TTYH1: variants seen among roughly 807,000 people sequenced by gnomAD.
TTYH1 encodes the protein tweety family member 1.
TTYH1 carries 33 observed loss-of-function variants against 61.2 expected under a neutral mutation model. The ratio of observed to expected loss-of-function variants is 0.54; its 90% confidence interval spans 0.41 to 0.72. The LOEUF is 0.72. Ranked by LOEUF, TTYH1 falls within the 30% of genes least tolerant of loss-of-function variation. The pLI, the probability that TTYH1 is intolerant of heterozygous loss-of-function variation, is 0.00. For synonymous variants in TTYH1, 308 were observed against 266.4 expected, an observed-to-expected ratio of 1.16 and a Z score of -1.52; for missense variants, 538 against 575.8, an observed-to-expected ratio of 0.93 and a Z score of 0.67.
chr19:54,423,082 C>T (rs1599893899), intron 4 of TTYH1, among the ~76,000 whole-genome samples: 1 of 152,186 alleles, frequency 6.6e-6, no homozygotes, highest in Admixed American at 6.6e-5. Context: ...CACATGCGTT[C>T]ATTCCTTGAC....
At chr19:54,428,783 G>C (rs779510232) in intron 5 of TTYH1, among the ~76,000 whole-genome samples, 2 of 152,180 alleles carry the variant, frequency 1.3e-5, no homozygotes, top group Non-Finnish European at 2.9e-5. Flanking sequence ...GCAGGTCTGG[G>C]ACTGGAAGCC....
rs2083190017 is a variant in TTYH1 at position 54,420,530 on chromosome 19, C to G, written c.306-747C>G. On this transcript the variant is annotated intron_variant, in intron 2 of 13. Coordinates refer to ENST00000376530, the MANE Select transcript of TTYH1 (RefSeq NM_020659.4). This position sits in a 1 kb window ranked among gnomAD's most constrained non-coding sequence, Gnocchi z 4.8. The stretch of plus-strand genomic sequence containing the variant: ...CGGGAGGGTGTCAGGCTCCCGCCCC[C>G]TCCACTGCGGGACACCGGCCGGGGG... 1 of 152,088 alleles carries G rather than the reference C, an allele frequency of 6.6e-6. No homozygotes were observed. Among genetic ancestry groups the G allele is most frequent in the South Asian group, 2.1e-4 (1 of 4,820 alleles). 9.4% of individuals were successfully genotyped at this position (152,088 alleles called of 1,614,324 possible).
intron 4 of TTYH1, among the ~76,000 whole-genome samples, chr19:54,423,687 A>G (rs1423416421): frequency 6.6e-6 from 1 of 152,176 alleles, no homozygotes; most frequent in Non-Finnish European, 1.5e-5. Flanking sequence ...AGTGCTGAGA[A>G]GGACGATTAG....
rs2083505660 is a variant in TTYH1 at position 54,434,750 on chromosome 19, G to A, written c.1126-792G>A. On this transcript the variant is annotated intron_variant, in intron 10 of 13. Coordinates refer to ENST00000376530, the MANE Select transcript of TTYH1 (RefSeq NM_020659.4). This position sits in a 1 kb window ranked among gnomAD's most constrained non-coding sequence, Gnocchi z 4.3. ...ATGTTGAGTGTGTATTGTGTGCGCG[G>A]TGTCATCTTGAGCCACTGGTTGGTT... 2.0e-5 allele frequency: 3 copies of A among 152,300 alleles called. No homozygotes were observed. Among genetic ancestry groups the A allele is most frequent in the Admixed American group, 2.0e-4 (3 of 15,288 alleles). 9.4% of individuals were successfully genotyped at this position (152,300 alleles called of 1,614,324 possible). A position where few individuals can be genotyped will look rare whatever the true frequency, so the allele number is the denominator to read the frequency against.
At position 54,422,176 on chromosome 19, in the gene TTYH1, T is replaced by C. The variant is rs1349721450; in HGVS notation, c.418-14T>C. The C allele has an allele frequency of 6.5e-7, 1 of 1,546,302 alleles. No individual in the cohort carries two copies. Among genetic ancestry groups the C allele is most frequent in the East Asian group, 2.4e-5 (1 of 41,944 alleles). Reference sequence around the variant, plus strand: ...GGATGTCCTTCCAGACCTCAGCCCCTGTCCTATCCCCAGGTGTTGGAGACG... The same window carrying C: ...GGATGTCCTTCCAGACCTCAGCCCCCGTCCTATCCCCAGGTGTTGGAGACG... On this transcript the variant is annotated splice_polypyrimidine_tract_variant and intron_variant, in intron 3 of 13. Coordinates refer to ENST00000376530, the MANE Select transcript of TTYH1 (RefSeq NM_020659.4).
At position 54,422,240 on chromosome 19, in the gene TTYH1, C is replaced by T; in HGVS notation, c.468C>T (p.Thr156=). ...RLGEAVRTEL[T]TLEEVLEPRT... ...GCGAGGCGGTGAGGACAGAGCTGAC[C>T]ACCCTGGAGGAGGTGCTCGAGCCGC... Residue 156 remains threonine, a synonymous_variant, in exon 4 of 14, where the codon ACC becomes ACT. Transcript: ENST00000376530. 2 of 1,567,794 alleles carry T rather than the reference C, an allele frequency of 1.3e-6. No homozygotes were observed. The highest frequency in any genetic ancestry group is 3.7e-4 in the Middle Eastern group (2 of 5,462).
Position 54,435,526 on chromosome 19 carries a change from G to A in TTYH1, c.1126-16G>A. 1 of 1,579,960 alleles carries A rather than the reference G, an allele frequency of 6.3e-7. No individual in the cohort carries two copies. On this transcript the variant is annotated splice_polypyrimidine_tract_variant and intron_variant, in intron 10 of 13. Coordinates refer to ENST00000376530, the MANE Select transcript of TTYH1 (RefSeq NM_020659.4). ...AGGGGGTGGGGACGCATGGCCTGAT[G>A]ACGCCCTCCCCTCAGGACTATGGTG...
At chr19:54,435,249 G>A (rs965094696) in intron 10 of TTYH1, 29 of 390,324 alleles carry the variant, frequency 7.4e-5, no homozygotes, top group Middle Eastern at 1.3e-3. Flanking sequence ...GACTGGGGAG[G>A]ACCCATGTGA....
At position 54,422,499 on chromosome 19, in the gene TTYH1, G is replaced by T. The variant is rs2083240168; in HGVS notation, c.638+89G>T. ...GTTGGCAATGCCTGGAGGCAGTTTT[G>T]GTTGTGACAGCTGGGGAGTGTGTGC... On this transcript the variant is annotated intron_variant, in intron 4 of 13. Coordinates refer to ENST00000376530, the MANE Select transcript of TTYH1 (RefSeq NM_020659.4). 2.4e-5 allele frequency: 28 copies of T among 1,181,516 alleles called. No individual in the cohort carries two copies. The South Asian group carries it at 4.1e-4, about 17-fold the overall frequency. 73.2% of individuals were successfully genotyped at this position (1,181,516 alleles called of 1,614,324 possible).
chr19:54,430,634 G>T (rs1209084387), intron 8 of TTYH1, 29 bp downstream of exon 8: 4 of 1,519,212 alleles, frequency 2.6e-6, no homozygotes. Context: ...GGAAACGGGT[G>T]TTGAGGGAGC....
Position 54,419,707 on chromosome 19 carries a change from GCA to G in TTYH1, c.305+404_305+405del, listed in dbSNP as rs1491236559. Among the ~76,000 whole-genome samples, 2 of 152,276 alleles carry G rather than the reference GCA, an allele frequency of 1.3e-5. No individual in the cohort carries two copies. Among genetic ancestry groups the G allele is most frequent in the African/African-American group, 4.8e-5 (2 of 41,540 alleles). The stretch of plus-strand genomic sequence containing the variant: ...CCTGCGGGGGTAAGATGGAGAGAAA[GCA>G]CAGTGTCTGACTTGCAGCTACTCTC... On this transcript the variant is annotated intron_variant, in intron 2 of 13. Coordinates refer to ENST00000376530, the MANE Select transcript of TTYH1 (RefSeq NM_020659.4). The surrounding 1 kb of genome is among the most constrained non-coding windows in gnomAD (Gnocchi z 6.1).
At position 54,436,376 on chromosome 19, in the gene TTYH1, C is replaced by A; in HGVS notation, c.*86C>A. The A allele has an allele frequency of 6.2e-7, 1 of 1,614,072 alleles. No homozygotes were observed. The highest frequency in any genetic ancestry group is 8.5e-7 in the Non-Finnish European group (1 of 1,179,976). On this transcript the variant is annotated 3_prime_UTR_variant, in exon 14 of 14. Transcript: ENST00000376530. The surrounding 1 kb of genome is among the most constrained non-coding windows in gnomAD (Gnocchi z 4.3). ...GAGGAGACCCCACTAACCCAGCCTG[C>A]CTGGGCTCTGACCACTAACACTCTT... is the stretch of plus-strand genomic sequence containing the variant.
Position 54,419,520 on chromosome 19 carries a change from A to C in TTYH1, c.305+214A>C, listed in dbSNP as rs1008485352. The C allele has an allele frequency of 9.8e-6, 7 of 717,948 alleles. No homozygotes were observed. The highest frequency in any genetic ancestry group is 8.7e-5 in the African/African-American group (5 of 57,532). 44.5% of individuals were successfully genotyped at this position (717,948 alleles called of 1,614,324 possible). On this transcript the variant is annotated intron_variant, in intron 2 of 13. Coordinates refer to ENST00000376530, the MANE Select transcript of TTYH1 (RefSeq NM_020659.4). The surrounding 1 kb of genome is among the most constrained non-coding windows in gnomAD (Gnocchi z 6.1). ...GGAGAAAGTGAGGCTCTGGAGAGGA[A>C]GTGAATCAAGGGCAGCCATCTGGTG...
intron 1 of TTYH1, among the ~76,000 whole-genome samples, chr19:54,417,969 C>G (rs574724443): frequency 5.3e-5 from 8 of 151,964 alleles, no homozygotes; most frequent in African/African-American, 1.9e-4. Context: ...TAAAAACATC[C>G]AGTCTCAACC....
intron 4 of TTYH1, among the ~76,000 whole-genome samples, chr19:54,422,856 G>T (rs1374941577): frequency 1.4e-5 from 2 of 145,422 alleles, no homozygotes; most frequent in Non-Finnish European, 3.0e-5. Flanking sequence ...TTGAACCCGG[G>T]AAATGGAGGT....
rs1368952968 is a variant in TTYH1 at position 54,429,289 on chromosome 19, C to T, written c.735-18C>T. Reference sequence around the variant, plus strand: ...GGAGATTAAGAACCCCGGGCTGATCCTCCCTCCCCCACTCTAGGATGACAG... The same window carrying T: ...GGAGATTAAGAACCCCGGGCTGATCTTCCCTCCCCCACTCTAGGATGACAG... On this transcript the variant is annotated intron_variant, in intron 5 of 13. Coordinates refer to ENST00000376530, the MANE Select transcript of TTYH1 (RefSeq NM_020659.4). The surrounding 1 kb of genome is among the most constrained non-coding windows in gnomAD (Gnocchi z 5.1). The T allele has an allele frequency of 6.2e-7, 1 of 1,613,058 alleles. No homozygotes were observed. Among genetic ancestry groups the T allele is most frequent in the Non-Finnish European group, 8.5e-7 (1 of 1,179,190 alleles).
At chr19:54,417,061 C>A (rs2083096419) in intron 1 of TTYH1, 3 of 578,062 alleles carry the variant, frequency 5.2e-6, no homozygotes, top group Non-Finnish European at 2.5e-6. Flanking sequence ...GTGGGTACAG[C>A]TGCAGACACA....
rs111698385 is a variant in TTYH1 at position 54,429,488 on chromosome 19, C to T, written c.807+109C>T. 577 of 1,007,914 alleles carry T rather than the reference C, an allele frequency of 5.7e-4. 2 individuals are homozygous for T. The African/African-American group carries it at 8.2e-3, about 14-fold the overall frequency. The allele number at this position is 1,007,914 out of a possible 1,614,324, so 62.4% of individuals were successfully genotyped here. On this transcript the variant is annotated intron_variant, in intron 6 of 13. Transcript: ENST00000376530. The surrounding 1 kb of genome is among the most constrained non-coding windows in gnomAD (Gnocchi z 5.1). ...TAGTAGAGAAAGGAATTGGGGGGCA[C>T]GATCACAGCTCTGAGGTTTAGGGCT...
In TTYH1 at chr19:54,421,016, G is replaced by A. The variant is rs1041976217; in HGVS notation, c.306-261G>A. 1.3e-5 allele frequency among the ~76,000 whole-genome samples: 2 copies of A among 152,146 alleles called. No individual in the cohort carries two copies. Among genetic ancestry groups the A allele is most frequent in the South Asian group, 2.1e-4 (1 of 4,822 alleles). On this transcript the variant is annotated intron_variant, in intron 2 of 13. Coordinates refer to ENST00000376530, the MANE Select transcript of TTYH1 (RefSeq NM_020659.4). The surrounding 1 kb of genome is among the most constrained non-coding windows in gnomAD (Gnocchi z 4.8). ...CAGGGAGGTGCGAGTTAAATCGGGG[G>A]CTCCCTCCCCCCCACCACTCCACCC...
Sources: allele counts gnomAD v4.1 joint callset (sites outside exome capture counted in the v4.1 genomes callset), GRCh38; gene constraint gnomAD v4.1.1; non-coding constraint Gnocchi (gnomAD v3.1); transcripts MANE v1.5; gene names NCBI Gene and HGNC (gene_info 2026-07-23, HGNC 2026-07-21).